FRMD5: variants seen among roughly 807,000 people sequenced by gnomAD.
FRMD5 encodes FERM domain containing 5.
In FRMD5, 20 loss-of-function variants were observed where a neutral mutation model predicts 69.0. That is an observed-to-expected ratio of 0.29 (90% confidence interval 0.20 to 0.42). The LOEUF (loss-of-function observed/expected upper bound fraction) is 0.42. FRMD5 is among the 10% of genes least tolerant of loss of function. The pLI is 1.00. For synonymous variants in FRMD5, 271 were observed against 260.1 expected, an observed-to-expected ratio of 1.04 and a Z score of -0.40; for missense variants, 595 against 708.6, an observed-to-expected ratio of 0.84 and a Z score of 1.82.
upstream of FRMD5, among the ~76,000 whole-genome samples, chr15:44,195,799 A>G (rs780555361): frequency 6.6e-6 from 1 of 152,204 alleles, no homozygotes; most frequent in Non-Finnish European, 1.5e-5. Context: ...TTATTTTGGG[A>G]AACAGGAGCT....
chr15:43,871,552 G>T lies in FRMD5; in HGVS notation c.*2333C>A, dbSNP rs1168452476. 6.6e-6 allele frequency: 1 copy of T among 152,102 alleles called. No individual in the cohort carries two copies. Among genetic ancestry groups the T allele is most frequent in the Non-Finnish European group, 1.5e-5 (1 of 68,008 alleles). The allele number at this position is 152,102 out of a possible 1,614,324, so 9.4% of individuals were successfully genotyped here. A position where few individuals can be genotyped will look rare whatever the true frequency, so the allele number is the denominator to read the frequency against. On this transcript the variant is annotated 3_prime_UTR_variant, in exon 14 of 14. Transcript: ENST00000417257. Reference sequence around the variant, plus strand: ...TCTCCTGACAGCCTTTTCATCTCTGGGTCTACTTTTCACGTTAGTCCTGTG... The same window carrying T: ...TCTCCTGACAGCCTTTTCATCTCTGTGTCTACTTTTCACGTTAGTCCTGTG...
chr15:44,099,384 A>C (rs1051491507), intron 1 of FRMD5, among the ~76,000 whole-genome samples: 5 of 152,130 alleles, frequency 3.3e-5, no homozygotes, highest in African/African-American at 1.2e-4. Flanking sequence ...TCCATGGACC[A>C]CATTTTCAAC....
At chr15:44,083,107 GC>G (rs1364270750) in intron 1 of FRMD5, among the ~76,000 whole-genome samples, 3 of 152,064 alleles carry the variant, frequency 2.0e-5, no homozygotes, top group African/African-American at 4.8e-5. Context: ...AGATTAAAAT[GC>G]CCTTCTTTTA....
intron 1 of FRMD5, among the ~76,000 whole-genome samples, chr15:44,183,874 G>A (rs2078054138): frequency 6.6e-6 from 1 of 151,782 alleles, no homozygotes; most frequent in Non-Finnish European, 1.5e-5. Flanking sequence ...CCGAGCTACT[G>A]GGGAGGCTGA....
intron 1 of FRMD5, among the ~76,000 whole-genome samples, chr15:44,151,408 AAAAG>A (rs1235255260): frequency 2.6e-4 from 39 of 151,590 alleles, no homozygotes; most frequent in African/African-American, 6.0e-4. Context: ...AAAAAAAAAA[AAAAG>A]AAAGAAAGAA....
In FRMD5 at chr15:43,873,741, C is replaced by G; in HGVS notation, c.*144G>C. ...TATCCCTTTCTTCTTCTGGGAAACACCCTCCTAGGCTGCAGTGGACTTTGA... is the reference window on the plus strand; with the variant it reads ...TATCCCTTTCTTCTTCTGGGAAACAGCCTCCTAGGCTGCAGTGGACTTTGA... On this transcript the variant is annotated 3_prime_UTR_variant, in exon 14 of 14. Transcript: ENST00000417257. 1 of 1,520,596 alleles carries G rather than the reference C, an allele frequency of 6.6e-7. No individual in the cohort carries two copies. Among genetic ancestry groups the G allele is most frequent in the Non-Finnish European group, 8.8e-7 (1 of 1,142,156 alleles). The allele number at this position is 1,520,596 out of a possible 1,614,324, so 94.2% of individuals were successfully genotyped here.
chr15:44,009,131 G>A (rs974467063), intron 1 of FRMD5, among the ~76,000 whole-genome samples: 1 of 152,160 alleles, frequency 6.6e-6, no homozygotes, highest in African/African-American at 2.4e-5. Context: ...AATAAATGTT[G>A]AACAAATAAA....
At chr15:43,938,333 T>A (rs1186136686) in intron 1 of FRMD5, among the ~76,000 whole-genome samples, 1 of 151,788 alleles carries the variant, frequency 6.6e-6, no homozygotes, top group Non-Finnish European at 1.5e-5. Flanking sequence ...ATTAACCCCA[T>A]TTTATAAAGA....
intron 5 of FRMD5, among the ~76,000 whole-genome samples, chr15:43,906,633 A>G (rs527562100): frequency 1.3e-5 from 2 of 151,858 alleles, no homozygotes; most frequent in East Asian, 1.9e-4. Context: ...ACGGAGTCTC[A>G]CTCTGTAGCC....
chr15:44,068,664 T>C (rs1893410463), intron 1 of FRMD5, among the ~76,000 whole-genome samples: 1 of 152,198 alleles, frequency 6.6e-6, no homozygotes, highest in Non-Finnish European at 1.5e-5. Context: ...AAAAATGTTC[T>C]GAAATTACAT....
intron 1 of FRMD5, among the ~76,000 whole-genome samples, chr15:44,017,311 C>T (rs1891009578): frequency 6.6e-6 from 1 of 150,796 alleles, no homozygotes. Context: ...GCAGTCTGGC[C>T]TGGGTGAAAA....
chr15:43,986,142 T>C lies in FRMD5; in HGVS notation c.103-61833A>G, dbSNP rs151100221. On this transcript the variant is annotated intron_variant, in intron 1 of 13. Coordinates refer to ENST00000417257, the MANE Select transcript of FRMD5 (RefSeq NM_032892.5). Reference sequence around the variant, plus strand: ...GTTCACAACATAAATAACAGATGTGTATCACGATCAGTGACAAATCACGTC... The same window carrying C: ...GTTCACAACATAAATAACAGATGTGCATCACGATCAGTGACAAATCACGTC... Among the ~76,000 whole-genome samples the C allele has an allele frequency of 2.0e-3, 311 of 152,310 alleles. 1 individual carries two copies. The highest frequency in any genetic ancestry group is 7.1e-3 in the African/African-American group (294 of 41,578).
chr15:44,090,007 C>T (rs995380374), intron 1 of FRMD5, among the ~76,000 whole-genome samples: 1 of 152,152 alleles, frequency 6.6e-6, no homozygotes, highest in African/African-American at 2.4e-5. Flanking sequence ...AGTGTACACC[C>T]TGCATGCACA....
chr15:44,070,756 C>T lies in FRMD5; in HGVS notation c.102+124197G>A, dbSNP rs578259842. On this transcript the variant is annotated intron_variant, in intron 1 of 13. Transcript: ENST00000417257. Reference sequence around the variant, plus strand: ...ATCACTCAACAACATTCTTAACATCCTATCCAACCTTTACCTGAACATAGC... The same window carrying T: ...ATCACTCAACAACATTCTTAACATCTTATCCAACCTTTACCTGAACATAGC... Among the ~76,000 whole-genome samples, 20 of 152,300 alleles carry T rather than the reference C, an allele frequency of 1.3e-4. No individual in the cohort carries two copies. In the East Asian group the frequency reaches 2.7e-3, roughly 21 times the overall value.
At chr15:44,175,489 T>A (rs1464469426) in intron 1 of FRMD5, among the ~76,000 whole-genome samples, 2 of 152,194 alleles carry the variant, frequency 1.3e-5, no homozygotes, top group Non-Finnish European at 2.9e-5. Flanking sequence ...ACACAAAGTA[T>A]CTAGAATTCT....
chr15:44,021,114 G>C (rs1165568137), intron 1 of FRMD5, among the ~76,000 whole-genome samples: 1 of 152,050 alleles, frequency 6.6e-6, no homozygotes, highest in African/African-American at 2.4e-5. Flanking sequence ...GCTAAACCCA[G>C]TCTCTACAAA....
rs545391385 is a variant in FRMD5 at position 44,014,123 on chromosome 15, T to C, written c.103-89814A>G. 2.8e-4 allele frequency among the ~76,000 whole-genome samples: 42 copies of C among 152,112 alleles called. 1 individual carries two copies. The highest frequency in any genetic ancestry group is 1.9e-3 in the Admixed American group (29 of 15,270). ...CAAGAGAGACACTCATCAGGGCTGG[T>C]TGAACCAATCCTGTCATCATTTGTT... On this transcript the variant is annotated intron_variant, in intron 1 of 13. Transcript: ENST00000417257.
In FRMD5 at chr15:44,082,881, T is replaced by C. The variant is rs145349366; in HGVS notation, c.102+112072A>G. 2.3e-3 allele frequency among the ~76,000 whole-genome samples: 346 copies of C among 152,074 alleles called. 8 individuals carry two copies. The East Asian group carries it at 0.058, about 25-fold the overall frequency. ...CCTATTATGATAAGCACTTTGCAGG[T>C]GTACTGAAGGAAGAAGAGATAAAGT... On this transcript the variant is annotated intron_variant, in intron 1 of 13. Coordinates refer to ENST00000417257, the MANE Select transcript of FRMD5 (RefSeq NM_032892.5).
At chr15:43,987,640 C>T (rs1889460623) in intron 1 of FRMD5, among the ~76,000 whole-genome samples, 2 of 152,110 alleles carry the variant, frequency 1.3e-5, no homozygotes, top group Admixed American at 6.5e-5. Context: ...ACCTCAGCCT[C>T]CTGGGTTCAA....
Sources: gnomAD v4.1 joint callset for allele counts (sites outside exome capture counted in the v4.1 genomes callset) on GRCh38, gnomAD v4.1.1 for gene constraint, MANE v1.5 for transcripts, NCBI Gene and HGNC (gene_info 2026-07-23, HGNC 2026-07-21) for gene names.